The following LAMB2 variants were observed in gnomAD, a reference collection of about 807,000 sequenced individuals.
LAMB2 encodes the protein laminin subunit beta-2.
A neutral mutation model predicts 202.7 loss-of-function variants in LAMB2; 119 were observed. The observed-to-expected ratio is 0.59, with a 90% confidence interval of 0.51 to 0.68. The LOEUF (loss-of-function observed/expected upper bound fraction) is 0.68. Ranked by LOEUF, LAMB2 falls within the 30% of genes least tolerant of loss-of-function variation. The pLI is 0.00. For synonymous variants in LAMB2, 818 were observed against 902.2 expected, an observed-to-expected ratio of 0.91 and a Z score of 1.67; for missense variants, 2,124 against 2,410.6, an observed-to-expected ratio of 0.88 and a Z score of 2.49.
In LAMB2 at chr3:49,130,199, C is replaced by G; in HGVS notation, c.1225+32G>C. 7 of 1,612,446 alleles carry G rather than the reference C, an allele frequency of 4.3e-6. No homozygotes were observed. Among genetic ancestry groups the G allele is most frequent in the Non-Finnish European group, 5.9e-6 (7 of 1,179,172 alleles). On this transcript the variant is annotated intron_variant, in intron 9 of 31. Transcript: ENST00000305544. The surrounding 1 kb of genome is among the most constrained non-coding windows in gnomAD (Gnocchi z 5.0). ...TCTCTAGTTCCTGCCCCAGGCTCAG[C>G]TTTCTCTCCCCGTGCCCAATCCCAG...
At position 49,130,593 on chromosome 3, in the gene LAMB2, T is replaced by C. The variant is rs1450165302; in HGVS notation, c.1036+147A>G. Reference sequence around the variant, plus strand: ...ACCCAGAGCAGACTGCAGAGGAGGATTGAGGGGGTCCCAAGGGGCATCAAG... The same window carrying C: ...ACCCAGAGCAGACTGCAGAGGAGGACTGAGGGGGTCCCAAGGGGCATCAAG... On this transcript the variant is annotated intron_variant, in intron 8 of 31. Coordinates refer to ENST00000305544, the MANE Select transcript of LAMB2 (RefSeq NM_002292.4). This position sits in a 1 kb window ranked among gnomAD's most constrained non-coding sequence, Gnocchi z 5.0. 5.0e-6 allele frequency: 7 copies of C among 1,386,288 alleles called. No homozygotes were observed. The highest frequency in any genetic ancestry group is 1.2e-5 in the South Asian group (1 of 85,768). The allele number at this position is 1,386,288 out of a possible 1,614,324, so 85.9% of individuals were successfully genotyped here. A position where few individuals can be genotyped will look rare whatever the true frequency, so the allele number is the denominator to read the frequency against.
intron 20 of LAMB2, 24 bp downstream of exon 20, chr3:49,124,982 C>T: frequency 6.2e-7 from 1 of 1,613,958 alleles, no homozygotes; most frequent in African/African-American, 1.3e-5. Context: ...CACCCTGATC[C>T]CACGCCTGCC....
At chr3:49,125,695 A>G in intron 18 of LAMB2, 52 bp downstream of exon 18, 1 of 1,599,492 alleles carries the variant, frequency 6.3e-7, no homozygotes, top group Non-Finnish European at 8.5e-7. Context: ...GAGAGAGAAC[A>G]GTAATGGGAA....
intron 15 of LAMB2, among the ~76,000 whole-genome samples, chr3:49,127,644 G>A (rs544111237): frequency 2.0e-4 from 31 of 152,128 alleles, no homozygotes; most frequent in African/African-American, 7.5e-4. Flanking sequence ...GCAGTGAGCC[G>A]AGATCGCGCC....
At position 49,129,871 on chromosome 3, in the gene LAMB2, C is replaced by G; in HGVS notation, c.1373G>C (p.Gly458Ala). ...RCQQCRDGFFGLSISDRLGCR... is the reference protein window; with the variant it reads ...RCQQCRDGFFALSISDRLGCR... Reference sequence around the variant, plus strand: ...GCCCAGACGGTCACTGATGCTGAGCCCAAAGAAGCCATCACGGCATTGCTG... The same window carrying G: ...GCCCAGACGGTCACTGATGCTGAGCGCAAAGAAGCCATCACGGCATTGCTG... The change falls in exon 10 of 32, where the codon GGG (glycine) becomes GCG (alanine). Residue 458 changes from glycine (G) to alanine (A), a missense_variant. By Grantham distance (60) the Gly-to-Ala change is moderately conservative. Coordinates refer to ENST00000305544, the MANE Select transcript of LAMB2 (RefSeq NM_002292.4). The surrounding 1 kb of genome is among the most constrained non-coding windows in gnomAD (Gnocchi z 6.1). 1 of 1,613,878 alleles carries G rather than the reference C, an allele frequency of 6.2e-7. No homozygotes were observed. The highest frequency in any genetic ancestry group is 2.2e-5 in the East Asian group (1 of 44,886).
chr3:49,129,428 G>A lies in LAMB2; in HGVS notation c.1519-104C>T. Reference sequence around the variant, plus strand: ...GTCTTAGCCTCAATCACCCCTCAGTGAAAACATGCCCCCCAGACCACTGGC... The same window carrying A: ...GTCTTAGCCTCAATCACCCCTCAGTAAAAACATGCCCCCCAGACCACTGGC... On this transcript the variant is annotated intron_variant, in intron 11 of 31. Coordinates refer to ENST00000305544, the MANE Select transcript of LAMB2 (RefSeq NM_002292.4). The surrounding 1 kb of genome is among the most constrained non-coding windows in gnomAD (Gnocchi z 6.1). The A allele has an allele frequency of 4.3e-6, 5 of 1,164,752 alleles. No homozygotes were observed. The highest frequency in any genetic ancestry group is 6.3e-6 in the Non-Finnish European group (5 of 795,160). 72.2% of individuals were successfully genotyped at this position (1,164,752 alleles called of 1,614,324 possible).
rs760928149 is a variant in LAMB2 at position 49,123,596 on chromosome 3, T to A, written c.3833A>T (p.Gln1278Leu). The A allele has an allele frequency of 6.2e-7, 1 of 1,614,186 alleles. No homozygotes were observed. The highest frequency in any genetic ancestry group is 1.7e-5 in the Admixed American group (1 of 60,030). ...EIGEATEHLT[Q>L]LEADLTDVQD... ...CACATCTGTCAGGTCTGCCTCGAGC[T>A]GAGTCAGGTGCTCAGTGGCCTCCCC... is the stretch of plus-strand genomic sequence containing the variant. Residue 1278 changes from glutamine (Q) to leucine (L), a missense_variant, in exon 25 of 32, where the codon CAG becomes CTG. By Grantham distance (113) the Gln-to-Leu change is moderately radical. This residue lies in a region of LAMB2 where 1,702 missense variants were observed against 1,896.3 expected (regional missense o/e 0.90). Coordinates refer to ENST00000305544, the MANE Select transcript of LAMB2 (RefSeq NM_002292.4).
chr3:49,125,941 C>T (rs1247858264), intron 17 of LAMB2, 26 bp downstream of exon 17: 1 of 1,614,022 alleles, frequency 6.2e-7, no homozygotes, highest in Non-Finnish European at 8.5e-7. Context: ...ACCTCTGCCC[C>T]ATCAACCCAC....
At position 49,122,714 on chromosome 3, in the gene LAMB2, G is replaced by C. The variant is rs749197795; in HGVS notation, c.4563C>G (p.Asp1521Glu). Residue 1521 changes from aspartate to glutamate, a missense_variant, in exon 27 of 32, where the codon GAC (aspartate) becomes GAG (glutamate). Transcript: ENST00000305544. ...ACGTGGGAGGCTCACGGTTGAGGAA[G>C]TCCTTCACACTCTGGATAAGTTCTT... ...ELQELIQSVK[D>E]FLNQEGADPD... is the part of the protein sequence containing the mutation. 4.3e-6 allele frequency: 7 copies of C among 1,613,856 alleles called. No individual in the cohort carries two copies. Among genetic ancestry groups the C allele is most frequent in the Non-Finnish European group, 5.9e-6 (7 of 1,179,738 alleles).
chr3:49,124,138 T>G, intron 23 of LAMB2, 38 bp from the exon 24 acceptor site: 1 of 1,614,120 alleles, frequency 6.2e-7, no homozygotes, highest in Non-Finnish European at 8.5e-7. Context: ...AGGGTCACTG[T>G]GGGGCATTCT....
intron 27 of LAMB2, 146 bp from the exon 28 acceptor site, chr3:49,122,516 A>G: frequency 1.1e-6 from 1 of 945,490 alleles, no homozygotes; most frequent in African/African-American, 1.6e-5. Context: ...CAGGGACTAT[A>G]CAAGGGGCTC....
At chr3:49,128,394 C>T in intron 15 of LAMB2, 64 bp downstream of exon 15, 1 of 1,584,360 alleles carries the variant, frequency 6.3e-7, no homozygotes, top group Non-Finnish European at 8.6e-7. Context: ...AGGTGCCCTG[C>T]AGGGAGCTTA....
chr3:49,126,601 CAG>C, intron 15 of LAMB2, 104 bp from the exon 16 acceptor site: 1 of 1,487,588 alleles, frequency 6.7e-7, no homozygotes. Flanking sequence ...TTGGCCAAAG[CAG>C]AGACTATGGC....
chr3:49,128,570 C>A lies in LAMB2; in HGVS notation c.1906G>T (p.Ala636Ser). 1 of 1,614,268 alleles carries A rather than the reference C, an allele frequency of 6.2e-7. No homozygotes were observed. Among genetic ancestry groups the A allele is most frequent in the Non-Finnish European group, 8.5e-7 (1 of 1,180,038 alleles). ...RLEPQVPEQW[A>S]ELELIVQRPG... ...CGCTGCACAATCAGTTCCAACTCTG[C>A]CCATTGCTCAGGGACCTGGGAAAAC... The change falls in exon 15 of 32, where the codon GCA (alanine) becomes TCA (serine). Residue 636 changes from alanine (A) to serine (S), a missense_variant. By Grantham distance (99) the Ala-to-Ser change is moderately conservative. This residue lies in a region of LAMB2 where 1,702 missense variants were observed against 1,896.3 expected (regional missense o/e 0.90). Transcript: ENST00000305544.
chr3:49,128,254 C>T (rs1052075539), intron 15 of LAMB2, among the ~76,000 whole-genome samples: 1 of 152,226 alleles, frequency 6.6e-6, no homozygotes, highest in African/African-American at 2.4e-5. Context: ...GGGCCTTAGA[C>T]CCCTGAGAGA....
rs898788975 is a variant in LAMB2 at position 49,126,303 on chromosome 3, C to T, written c.2151+62G>A. On this transcript the variant is annotated intron_variant, in intron 16 of 31. Coordinates refer to ENST00000305544, the MANE Select transcript of LAMB2 (RefSeq NM_002292.4). ...CTTCTGCCACAGACCCCTGCTATCC[C>T]TCAAGTCCCACACCACGGGCCCTGC... The T allele has an allele frequency of 8.7e-5, 141 of 1,612,964 alleles. No homozygotes were observed. In the African/African-American group the frequency reaches 1.7e-3, roughly 19 times the overall value.
chr3:49,129,784 A>C lies in LAMB2; in HGVS notation c.1405+55T>G, dbSNP rs2045461420. 2 of 1,610,684 alleles carry C rather than the reference A, an allele frequency of 1.2e-6. No individual in the cohort carries two copies. Among genetic ancestry groups the C allele is most frequent in the Non-Finnish European group, 1.7e-6 (2 of 1,177,072 alleles). ...AGTGCTCATGTTCAGCTGAGTCAGG[A>C]GTAAGAGGACAGGGGTTAAAGGTCA... is the stretch of plus-strand genomic sequence containing the variant. On this transcript the variant is annotated intron_variant, in intron 10 of 31. Coordinates refer to ENST00000305544, the MANE Select transcript of LAMB2 (RefSeq NM_002292.4). This position sits in a 1 kb window ranked among gnomAD's most constrained non-coding sequence, Gnocchi z 6.1.
Position 49,129,547 on chromosome 3 carries a change from G to T in LAMB2, c.1518+57C>A. The T allele has an allele frequency of 1.4e-6, 2 of 1,414,578 alleles. No homozygotes were observed. Among genetic ancestry groups the T allele is most frequent in the Non-Finnish European group, 2.0e-6 (2 of 1,001,460 alleles). The allele number at this position is 1,414,578 out of a possible 1,614,324, so 87.6% of individuals were successfully genotyped here. ...CCACTGGCATAGATGTGACACCCCAGCCCTGTGCTCTAAGGACAAATCATG... is the reference window on the plus strand; with the variant it reads ...CCACTGGCATAGATGTGACACCCCATCCCTGTGCTCTAAGGACAAATCATG... On this transcript the variant is annotated intron_variant, in intron 11 of 31. Transcript: ENST00000305544. The surrounding 1 kb of genome is among the most constrained non-coding windows in gnomAD (Gnocchi z 6.1).
chr3:49,126,187 G>A (rs774551343), intron 16 of LAMB2, 28 bp from the exon 17 acceptor site: 3 of 1,610,368 alleles, frequency 1.9e-6, no homozygotes, highest in Non-Finnish European at 2.5e-6. Flanking sequence ...GAAGATCGCA[G>A]TTCAGACCTG....
Sources: allele counts gnomAD v4.1 joint callset (sites outside exome capture counted in the v4.1 genomes callset), GRCh38; gene constraint gnomAD v4.1.1; regional missense constraint gnomAD v4.1.1; non-coding constraint Gnocchi (gnomAD v3.1); transcripts MANE v1.5; gene names NCBI Gene and HGNC (gene_info 2026-07-23, HGNC 2026-07-21).